Variants in GCA observed in about 807,000 individuals in gnomAD.
GCA encodes grancalcin, also known as grancalcin, EF-hand calcium-binding protein.
A neutral mutation model predicts 32.6 loss-of-function variants in GCA; 30 were observed. That is an observed-to-expected ratio of 0.92 (90% CI 0.69 to 1.25). The LOEUF (loss-of-function observed/expected upper bound fraction) is 1.25, where lower values mean the gene tolerates loss of function less well. Ranked by LOEUF, GCA falls within the 50% of genes most tolerant of loss-of-function variation. GCA has a pLI of 0.00. For missense variants in GCA, 291 were observed against 266.8 expected, an observed-to-expected ratio of 1.09 and a Z score of -0.63; for synonymous variants, 102 against 84.6, an observed-to-expected ratio of 1.21 and a Z score of -1.13.
chr2:162,373,724 T>C (rs190370071), downstream of GCA: 48 of 1,239,088 alleles, frequency 3.9e-5, no homozygotes, highest in East Asian at 1.3e-3. Flanking sequence ...CAGGAGCATT[T>C]AAAAAAATTT....
intron 1 of GCA, among the ~76,000 whole-genome samples, chr2:162,332,527 C>G (rs35544136): frequency 0.03 from 4,497 of 151,776 alleles, 405 homozygotes; most frequent in Admixed American, 0.21. Flanking sequence ...GACAAAGTAA[C>G]AAGTGCAGGA....
At chr2:162,343,840 G>C (rs1684531357), upstream of GCA, among the ~76,000 whole-genome samples, 1 of 152,336 alleles carries the variant, frequency 6.6e-6, no homozygotes, top group South Asian at 2.1e-4. Flanking sequence ...TTGAAGGCTT[G>C]TAGAAGACCT....
intron 1 of GCA, among the ~76,000 whole-genome samples, chr2:162,330,072 C>T (rs189451633): frequency 1.6e-4 from 24 of 152,162 alleles, no homozygotes; most frequent in African/African-American, 5.8e-4. Context: ...TCCAGTCTGT[C>T]ACTGATGGGC....
At position 162,352,385 on chromosome 2, in the gene GCA, T is replaced by A; in HGVS notation, c.240T>A (p.Ser80=). The A allele has an allele frequency of 6.3e-7, 1 of 1,575,232 alleles. No individual in the cohort carries two copies. Among genetic ancestry groups the A allele is most frequent in the Non-Finnish European group, 8.7e-7 (1 of 1,144,646 alleles). Residue 80 remains serine, a synonymous_variant, in exon 3 of 8, where the codon TCT becomes TCA. Transcript: ENST00000437150. The stretch of plus-strand genomic sequence containing the variant: ...AACTTCAGAGATGTTTGACACAGTC[T>A]GGAATTAATGGAACTTACTCTCGTG... The part of the protein sequence containing the change: ...AEELQRCLTQ[S]GINGTYSPFS...
chr2:162,344,365 C>T lies in GCA; in HGVS notation c.27+90C>T, dbSNP rs1363717082. ...CCAACGTGCGGGTCCGCCCTTGGCT[C>T]CTGCTCCCTGCGTCCGCGCCTGGTA... is the stretch of plus-strand genomic sequence containing the variant. On this transcript the variant is annotated intron_variant, in intron 1 of 7. Coordinates refer to ENST00000437150, the MANE Select transcript of GCA (RefSeq NM_012198.5). The T allele has an allele frequency of 2.4e-6, 3 of 1,254,872 alleles. No individual in the cohort carries two copies. In the East Asian group the frequency reaches 7.3e-5, roughly 31 times the overall value. 77.7% of individuals were successfully genotyped at this position (1,254,872 alleles called of 1,614,324 possible).
downstream of GCA, among the ~76,000 whole-genome samples, chr2:162,372,380 GAATTA>G (rs1444552377): frequency 6.6e-6 from 1 of 152,036 alleles, no homozygotes; most frequent in Admixed American, 6.6e-5. Flanking sequence ...TTTTCCAGAT[GAATTA>G]AATTCGAAAT....
At chr2:162,332,300 C>T (rs1218452775) in intron 1 of GCA, among the ~76,000 whole-genome samples, 1 of 107,564 alleles carries the variant, frequency 9.3e-6, no homozygotes, top group African/African-American at 3.4e-5. Context: ...CAGAGCAAGA[C>T]TCCATCTCAA....
intron 1 of GCA, among the ~76,000 whole-genome samples, chr2:162,345,940 T>C (rs1684680803): frequency 6.6e-6 from 1 of 152,198 alleles, no homozygotes; most frequent in African/African-American, 2.4e-5. Context: ...GACCTAATTG[T>C]TTTGATAGTA....
chr2:162,321,880 TTACATATATATATATATATATATA>T (rs1558881467), intron 1 of GCA, among the ~76,000 whole-genome samples: 1 of 61,266 alleles, frequency 1.6e-5, no homozygotes, highest in East Asian at 4.6e-4. Context: ...AAAAATTTAG[TTACATATATATATATATATATATA>T]TATATATATA....
At chr2:162,373,439 A>G, downstream of GCA, 1 of 1,422,768 alleles carries the variant, frequency 7.0e-7, no homozygotes, top group South Asian at 1.6e-5. Context: ...ACTGTGAGAG[A>G]CACTCTTGGT....
At chr2:162,324,378 A>G (rs928084241) in intron 1 of GCA, among the ~76,000 whole-genome samples, 1 of 152,148 alleles carries the variant, frequency 6.6e-6, no homozygotes, top group Admixed American at 6.5e-5. Context: ...TTCCCCTGGA[A>G]TCAGGCCACT....
At chr2:162,330,180 G>T (rs1178291048) in intron 1 of GCA, among the ~76,000 whole-genome samples, 1 of 152,114 alleles carries the variant, frequency 6.6e-6, no homozygotes, top group East Asian at 1.9e-4. Context: ...ATTCCTTTGG[G>T]TATATACCCA....
intron 1 of GCA, among the ~76,000 whole-genome samples, chr2:162,336,647 T>C (rs1199077641): frequency 6.6e-6 from 1 of 152,182 alleles, no homozygotes; most frequent in African/African-American, 2.4e-5. Flanking sequence ...TATATCTCTC[T>C]CTCTCTTTCT....
chr2:162,345,638 T>G (rs1684664799), intron 1 of GCA, among the ~76,000 whole-genome samples: 1 of 152,232 alleles, frequency 6.6e-6, no homozygotes, highest in African/African-American at 2.4e-5. Flanking sequence ...TTTCCATGAA[T>G]TTAAAATAAA....
chr2:162,373,831 T>C (rs1686057272), downstream of GCA, among the ~76,000 whole-genome samples: 1 of 152,232 alleles, frequency 6.6e-6, no homozygotes. Flanking sequence ...TTACTGTGTA[T>C]GTCTCACTAA....
At position 162,360,438 on chromosome 2, in the gene GCA, C is replaced by T. The variant is rs911391898; in HGVS notation, c.*195C>T. On this transcript the variant is annotated 3_prime_UTR_variant, in exon 8 of 8. Transcript: ENST00000437150. ...TCTTTTTTAATTTGAGGTATTACTG[C>T]TTTTGGAAAAGTTATTTTATAAATA... 5.2e-6 allele frequency: 6 copies of T among 1,147,514 alleles called. No homozygotes were observed. In the East Asian group the frequency reaches 1.9e-4, roughly 36 times the overall value. 71.1% of individuals were successfully genotyped at this position (1,147,514 alleles called of 1,614,324 possible).
At chr2:162,333,886 G>T (rs1292462737) in intron 1 of GCA, among the ~76,000 whole-genome samples, 1 of 152,196 alleles carries the variant, frequency 6.6e-6, no homozygotes, top group African/African-American at 2.4e-5. Flanking sequence ...CACCCACAGT[G>T]AACCCTAGAG....
At chr2:162,355,572 A>C (rs770739906) in intron 3 of GCA, among the ~76,000 whole-genome samples, 1 of 152,076 alleles carries the variant, frequency 6.6e-6, no homozygotes, top group Non-Finnish European at 1.5e-5. Context: ...TAGTCTTGAG[A>C]TATGTCAGCA....
chr2:162,344,704 G>A lies in GCA; in HGVS notation c.27+429G>A, dbSNP rs143338651. Among the ~76,000 whole-genome samples the A allele has an allele frequency of 6.6e-5, 10 of 152,020 alleles. 1 individual carries two copies. In the East Asian group the frequency reaches 1.9e-3, roughly 29 times the overall value. ...CCTTATGAATAAATTAAGGTGTACG[G>A]TAAATAACTCCTAATCTTTACTGTT... On this transcript the variant is annotated intron_variant, in intron 1 of 7. Transcript: ENST00000437150.
Sources: gnomAD v4.1 joint callset for allele counts (sites outside exome capture counted in the v4.1 genomes callset) on GRCh38, gnomAD v4.1.1 for gene constraint, MANE v1.5 for transcripts, NCBI Gene and HGNC (gene_info 2026-07-23, HGNC 2026-07-21) for gene names.